The following TBX15 variants were observed in gnomAD, a reference collection of about 807,000 sequenced individuals.
The protein encoded by TBX15 is T-box transcription factor 15.
A neutral mutation model predicts 53.9 loss-of-function variants in TBX15; 18 were observed. That is an observed-to-expected ratio of 0.33 (90% CI 0.23 to 0.49). The LOEUF (loss-of-function observed/expected upper bound fraction) is 0.49. TBX15 is among the 20% of genes least tolerant of loss of function. TBX15 has a pLI of 0.98. For missense variants in TBX15, 692 were observed against 749.5 expected, an observed-to-expected ratio of 0.92 and a Z score of 0.90; for synonymous variants, 295 against 278.0, an observed-to-expected ratio of 1.06 and a Z score of -0.61.
At chr1:118,896,133 T>C (rs1302553683) in intron 7 of TBX15, among the ~76,000 whole-genome samples, 1 of 152,214 alleles carries the variant, frequency 6.6e-6, no homozygotes, top group Non-Finnish European at 1.5e-5. Context: ...GTATATTTCA[T>C]GTGTGGCCCA....
intron 1 of TBX15, among the ~76,000 whole-genome samples, chr1:118,933,460 CCA>C (rs1260624197): frequency 1.6e-5 from 1 of 63,678 alleles, no homozygotes; most frequent in Admixed American, 1.4e-4. Flanking sequence ...TGCCCCCCAC[CCA>C]CAAAAAAAAA....
At chr1:118,924,483 G>A (rs1161028783) in intron 4 of TBX15, among the ~76,000 whole-genome samples, 163 bp downstream of exon 4, 2 of 152,102 alleles carry the variant, frequency 1.3e-5, no homozygotes, top group Non-Finnish European at 2.9e-5. Context: ...GTAATAAATG[G>A]AATTTAACTG....
chr1:118,884,481 A>T lies in TBX15; in HGVS notation c.*251T>A. ...TTCAAAGGCCACTCTGGAACAGACA[A>T]TGCTTTATAAAACTAAGGTCTGGGA... On this transcript the variant is annotated 3_prime_UTR_variant, in exon 8 of 8. Transcript: ENST00000369429. The T allele has an allele frequency of 1.8e-6, 1 of 545,980 alleles. No individual in the cohort carries two copies. The highest frequency in any genetic ancestry group is 3.2e-5 in the Admixed American group (1 of 31,644). The allele number at this position is 545,980 out of a possible 1,614,324, so 33.8% of individuals were successfully genotyped here.
intron 1 of TBX15, among the ~76,000 whole-genome samples, chr1:118,979,590 C>T (rs1006099647): frequency 6.6e-6 from 1 of 152,104 alleles, no homozygotes; most frequent in Non-Finnish European, 1.5e-5. Context: ...CCTTGGGTTC[C>T]ATTTGCATTT....
At chr1:118,927,477 C>T (rs947566850) in intron 2 of TBX15, among the ~76,000 whole-genome samples, 1 of 152,138 alleles carries the variant, frequency 6.6e-6, no homozygotes, top group African/African-American at 2.4e-5. Context: ...GAAGGTGCTA[C>T]CAGTCTCCAA....
intron 1 of TBX15, among the ~76,000 whole-genome samples, chr1:118,969,083 G>T (rs1428983710): frequency 1.3e-5 from 2 of 152,210 alleles, no homozygotes; most frequent in African/African-American, 4.8e-5. Flanking sequence ...TGGCACAGCA[G>T]TCAGATCTCT....
intron 1 of TBX15, among the ~76,000 whole-genome samples, chr1:118,956,683 T>A (rs2101667961): frequency 6.6e-6 from 1 of 152,248 alleles, no homozygotes; most frequent in East Asian, 1.9e-4. Context: ...CCGGGCGCAG[T>A]GGCTCATGCC....
At chr1:118,904,267 T>C (rs1209326245) in intron 6 of TBX15, among the ~76,000 whole-genome samples, 1 of 152,154 alleles carries the variant, frequency 6.6e-6, no homozygotes, top group Non-Finnish European at 1.5e-5. Flanking sequence ...CCTTCAGATA[T>C]AATTATCACA....
rs1657902893 is a variant in TBX15, at chr1:118,988,025, C to T, written c.-230G>A. The T allele has an allele frequency of 1.7e-6, 1 of 604,460 alleles. No homozygotes were observed. The highest frequency in any genetic ancestry group is 2.8e-6 in the Non-Finnish European group (1 of 351,316). 37.4% of individuals were successfully genotyped at this position (604,460 alleles called of 1,614,324 possible). A position where few individuals can be genotyped will look rare whatever the true frequency, so the allele number is the denominator to read the frequency against. ...CTGGCCCAGCTGCTAGGAACTAGCG[C>T]CCCGAGCGCCGCCCGCTCGCTGCAT... On this transcript the variant is annotated 5_prime_UTR_variant, in exon 1 of 8. Transcript: ENST00000369429.
In TBX15 at chr1:118,930,855, C is replaced by T. The variant is rs559253398; in HGVS notation, c.419+764G>A. 2.6e-5 allele frequency among the ~76,000 whole-genome samples: 4 copies of T among 152,324 alleles called. No individual in the cohort carries two copies. The East Asian group carries it at 5.8e-4, about 22-fold the overall frequency. ...GAATTCTGGAGCTGCCTCTTAGTAC[C>T]CATGTGCCTTAGCCAAGCTAATTAA... On this transcript the variant is annotated intron_variant, in intron 2 of 7. Transcript: ENST00000369429.
At chr1:118,948,008 T>C (rs932197501) in intron 1 of TBX15, among the ~76,000 whole-genome samples, 2 of 152,308 alleles carry the variant, frequency 1.3e-5, no homozygotes, top group Middle Eastern at 3.4e-3. Flanking sequence ...TCATGAGTTA[T>C]CTTGTGGTGG....
At chr1:118,950,892 G>T (rs560732417) in intron 1 of TBX15, among the ~76,000 whole-genome samples, 2 of 152,102 alleles carry the variant, frequency 1.3e-5, no homozygotes, top group African/African-American at 4.8e-5. Flanking sequence ...ATGTCATCTT[G>T]GTTCCTTACC....
At chr1:118,904,330 TA>T (rs1358158104) in intron 6 of TBX15, among the ~76,000 whole-genome samples, 1 of 152,186 alleles carries the variant, frequency 6.6e-6, no homozygotes, top group Non-Finnish European at 1.5e-5. Flanking sequence ...AAACCTTCCA[TA>T]CTTCTTTCTC....
intron 1 of TBX15, among the ~76,000 whole-genome samples, chr1:118,987,223 AG>A (rs1657868500): frequency 6.6e-6 from 1 of 152,232 alleles, no homozygotes; most frequent in Non-Finnish European, 1.5e-5. Context: ...CCGAGTTCTC[AG>A]AAGCGAGTCC....
chr1:118,965,258 T>C (rs978789139), intron 1 of TBX15, among the ~76,000 whole-genome samples: 1 of 152,242 alleles, frequency 6.6e-6, no homozygotes, highest in African/African-American at 2.4e-5. Flanking sequence ...ACCCTATGCC[T>C]GTTTAAAGAG....
At chr1:118,955,267 A>G (rs1221570995) in intron 1 of TBX15, among the ~76,000 whole-genome samples, 2 of 152,178 alleles carry the variant, frequency 1.3e-5, no homozygotes, top group Non-Finnish European at 2.9e-5. Context: ...ATGGATGTTT[A>G]GGAAAAGTGA....
rs367934817 is a variant in TBX15 at position 118,988,198 on chromosome 1, C to CCT, written c.-405_-404dup. The CCT allele has an allele frequency of 1.6e-5, 3 of 190,498 alleles. No individual in the cohort carries two copies. Among genetic ancestry groups the CCT allele is most frequent in the Admixed American group, 5.9e-5 (1 of 17,002 alleles). 11.8% of individuals were successfully genotyped at this position (190,498 alleles called of 1,614,324 possible). A position where few individuals can be genotyped will look rare whatever the true frequency, so the allele number is the denominator to read the frequency against. ...CCTCCCTCTCTTTTTCTCTCCTCCC[C>CCT]CTCTCTCTCTCTTCCTCTCTGCCTT... is the stretch of plus-strand genomic sequence containing the variant. On this transcript the variant is annotated 5_prime_UTR_variant, in exon 1 of 8. Coordinates refer to ENST00000369429, the MANE Select transcript of TBX15 (RefSeq NM_001330677.2).
At chr1:118,890,427 T>C (rs1477189111) in intron 7 of TBX15, among the ~76,000 whole-genome samples, 1 of 152,166 alleles carries the variant, frequency 6.6e-6, no homozygotes, top group Non-Finnish European at 1.5e-5. Flanking sequence ...TTTCAGGAGT[T>C]CTGTAGCATC....
chr1:118,927,927 C>T (rs1007576488), intron 2 of TBX15, among the ~76,000 whole-genome samples: 3 of 152,234 alleles, frequency 2.0e-5, no homozygotes, highest in Non-Finnish European at 4.4e-5. Context: ...CTGCATTAAG[C>T]TTAACCATCT....
Sources: gnomAD v4.1 joint callset for allele counts (sites outside exome capture counted in the v4.1 genomes callset) on GRCh38, gnomAD v4.1.1 for gene constraint, MANE v1.5 for transcripts, NCBI Gene and HGNC (gene_info 2026-07-23, HGNC 2026-07-21) for gene names.